Variants in MEGF6 observed in about 807,000 individuals in gnomAD.
MEGF6 encodes multiple EGF like domains 6.
Under a neutral mutation model 207.1 loss-of-function variants are expected in MEGF6, and 184 were observed. The observed-to-expected ratio is 0.89, with a 90% confidence interval of 0.79 to 1.00. The LOEUF (loss-of-function observed/expected upper bound fraction) is 1.00. MEGF6 is among the 50% of genes least tolerant of loss of function. The pLI, the probability that MEGF6 is intolerant of heterozygous loss-of-function variation, is 0.00. For synonymous variants in MEGF6, 1,038 were observed against 910.0 expected (o/e 1.14, Z -2.53); for missense variants, 2,282 against 2,202.9 (o/e 1.04, Z -0.72).
chr1:3,602,449 C>T lies in MEGF6; in HGVS notation c.266+17G>A, dbSNP rs776469152. 1.4e-5 allele frequency: 23 copies of T among 1,613,076 alleles called. No individual in the cohort carries two copies. The highest frequency in any genetic ancestry group is 1.2e-4 in the African/African-American group (9 of 74,924). Reference sequence around the variant, plus strand: ...TGTGAATGGAGCCCCTCCCCCAACACGGGCCCCTGCACTTACCTCCGCTCA... The same window carrying T: ...TGTGAATGGAGCCCCTCCCCCAACATGGGCCCCTGCACTTACCTCCGCTCA... On this transcript the variant is annotated intron_variant, in intron 2 of 36. Transcript: ENST00000356575.
At chr1:3,531,279 GACC>G in intron 4 of MEGF6, 1 of 1,319,110 alleles carries the variant, frequency 7.6e-7, no homozygotes, top group Non-Finnish European at 9.6e-7. Context: ...AGGGGGCGAG[GACC>G]AACCGCGCTG....
chr1:3,507,796 A>C lies in MEGF6; in HGVS notation c.1788T>G (p.Asp596Glu). The C allele has an allele frequency of 6.2e-7, 1 of 1,612,752 alleles. No individual in the cohort carries two copies. Among genetic ancestry groups the C allele is most frequent in the Non-Finnish European group, 8.5e-7 (1 of 1,179,872 alleles). ...AGCACCAGAAGAGGCTGCACGCACC[A>C]TCCTCACAGTTAGTTCCACTGACAC... ...PPGVSGTNCE[D>E]GCPKGYYGKH... The change falls in exon 14 of 37, where the codon GAT (aspartate) becomes GAG (glutamate). Residue 596 changes from aspartate (D) to glutamate (E), a missense_variant and splice_region_variant. By Grantham distance (45) the Asp-to-Glu change is conservative (BLOSUM62 2). Transcript: ENST00000356575.
intron 3 of MEGF6, among the ~76,000 whole-genome samples, chr1:3,582,055 C>A (rs1281946058): frequency 6.6e-6 from 1 of 152,240 alleles, no homozygotes; most frequent in Non-Finnish European, 1.5e-5. Flanking sequence ...TCTCTCAAGG[C>A]AGGCGGAGCT....
intron 4 of MEGF6, among the ~76,000 whole-genome samples, chr1:3,547,664 G>A (rs940071931): frequency 6.6e-6 from 1 of 152,194 alleles, no homozygotes; most frequent in African/African-American, 2.4e-5. Context: ...TCTGAGTTGG[G>A]CCTGGAGAGC....
chr1:3,531,403 AGCCGCTCTGG>A, intron 4 of MEGF6: 1 of 1,150,650 alleles, frequency 8.7e-7, no homozygotes, highest in Non-Finnish European at 1.1e-6. Flanking sequence ...GCCGCCCGGG[AGCCGCTCTGG>A]GCCGGGCGCG....
chr1:3,599,856 C>G lies in MEGF6; in HGVS notation c.266+2610G>C, dbSNP rs7552280. Among the ~76,000 whole-genome samples, 95 of 152,188 alleles carry G rather than the reference C, an allele frequency of 6.2e-4. 1 individual carries two copies. Among genetic ancestry groups the G allele is most frequent in the African/African-American group, 2.2e-3 (92 of 41,524 alleles). ...GCGTGGGCACCCCGTTTCTGTGCCC[C>G]GTTTCTGGGCTGTGCCAGGCAGCCC... On this transcript the variant is annotated intron_variant, in intron 2 of 36. Coordinates refer to ENST00000356575, the MANE Select transcript of MEGF6 (RefSeq NM_001409.4).
intron 1 of MEGF6, among the ~76,000 whole-genome samples, chr1:3,605,390 CCCA>C (rs1420654985): frequency 6.6e-6 from 1 of 151,944 alleles, no homozygotes; most frequent in Admixed American, 6.6e-5. Context: ...CACTACCATA[CCCA>C]CAATTACATA....
chr1:3,512,657 CT>C (rs371487733), intron 7 of MEGF6, among the ~76,000 whole-genome samples: 473 of 152,338 alleles, frequency 3.1e-3, no homozygotes, highest in African/African-American at 9.9e-3. Context: ...CTCTCTTTTC[CT>C]ACCGCTATCG....
chr1:3,497,454 C>A, intron 26 of MEGF6, 93 bp from the exon 27 acceptor site: 2 of 1,379,856 alleles, frequency 1.4e-6, no homozygotes, highest in Non-Finnish European at 1.9e-6. Flanking sequence ...GTGGGTACGA[C>A]CCACCCAATG....
chr1:3,611,039 C>G, intron 1 of MEGF6, 99 bp downstream of exon 1: 1 of 1,331,972 alleles, frequency 7.5e-7, no homozygotes, highest in East Asian at 3.1e-5. Flanking sequence ...TGTTCTGGAG[C>G]CCCAGGGACA....
intron 5 of MEGF6, among the ~76,000 whole-genome samples, chr1:3,520,599 G>C (rs1439069592): frequency 6.6e-6 from 1 of 152,150 alleles, no homozygotes; most frequent in African/African-American, 2.4e-5. Flanking sequence ...CGGGGCAATG[G>C]GGCACACCAG....
intron 2 of MEGF6, among the ~76,000 whole-genome samples, chr1:3,597,995 G>C (rs1205153440): frequency 6.6e-6 from 1 of 152,262 alleles, no homozygotes; most frequent in Non-Finnish European, 1.5e-5. Context: ...GAGGCAGAGA[G>C]GGACAGAGGC....
intron 3 of MEGF6, among the ~76,000 whole-genome samples, chr1:3,593,250 G>A (rs1442535737): frequency 6.6e-6 from 1 of 152,074 alleles, no homozygotes; most frequent in Non-Finnish European, 1.5e-5. Flanking sequence ...CAGCCTCGGG[G>A]GACGACCCAG....
At position 3,498,059 on chromosome 1, in the gene MEGF6, CCCCTCTCTGCATGCAGGAAA is replaced by C. The variant is rs1270425772; in HGVS notation, c.3352+292_3352+311del. Among the ~76,000 whole-genome samples the C allele has an allele frequency of 6.6e-5, 10 of 152,116 alleles. No individual in the cohort carries two copies. The East Asian group carries it at 1.9e-3, about 29-fold the overall frequency. On this transcript the variant is annotated intron_variant, in intron 26 of 36. Transcript: ENST00000356575. ...GGCTCCAGGACAAGGGGTGAAGGGG[CCCCTCTCTGCATGCAGGAAA>C]CAGGAACGGCCCCCTGAGCCCCAAA... is the stretch of plus-strand genomic sequence containing the variant.
chr1:3,572,662 ACTGGGTCCTCCCAGGTGTG>A lies in MEGF6; in HGVS notation c.481+7144_481+7162del, dbSNP rs200298778. ...GGGTGTGCTGGGTCCTTCCTGGTGTACTGGGTCCTCCCAGGTGTGCTGGGTCCTTCCTGAGTGTGTTAGG... is the reference window on the plus strand; with the variant it reads ...GGGTGTGCTGGGTCCTTCCTGGTGTACTGGGTCCTTCCTGAGTGTGTTAGG... On this transcript the variant is annotated intron_variant, in intron 4 of 36. Coordinates refer to ENST00000356575, the MANE Select transcript of MEGF6 (RefSeq NM_001409.4). Among the ~76,000 whole-genome samples, 17 of 49,484 alleles carry A rather than the reference ACTGGGTCCTCCCAGGTGTG, an allele frequency of 3.4e-4. No homozygotes were observed. In the East Asian group the frequency reaches 7.2e-3, roughly 21 times the overall value. 32.5% of individuals were successfully genotyped at this position (49,484 alleles called of 152,430 possible).
the MEGF6 span, among the ~76,000 whole-genome samples, chr1:3,616,557 G>A: frequency 9.7e-4 from 148 of 152,242 alleles, no homozygotes; most frequent in African/African-American, 3.4e-3. Flanking sequence ...AGAGACGGGG[G>A]TGAGAGAGGG....
intron 4 of MEGF6, among the ~76,000 whole-genome samples, chr1:3,557,026 A>G (rs766084226): frequency 1.1e-4 from 17 of 152,248 alleles, no homozygotes; most frequent in Admixed American, 3.3e-4. Flanking sequence ...GGTCGGAGTC[A>G]GAGAGAGAGG....
chr1:3,608,341 C>A (rs1339010197), intron 1 of MEGF6, among the ~76,000 whole-genome samples: 1 of 152,140 alleles, frequency 6.6e-6, no homozygotes, highest in African/African-American at 2.4e-5. Flanking sequence ...CTCCAGGTCA[C>A]GTGCTGTGAA....
chr1:3,565,791 G>C lies in MEGF6; in HGVS notation c.481+14034C>G, dbSNP rs1045835600. 6.6e-6 allele frequency among the ~76,000 whole-genome samples: 1 copy of C among 152,168 alleles called. No homozygotes were observed. The highest frequency in any genetic ancestry group is 1.5e-5 in the Non-Finnish European group (1 of 68,014). ...GCCACGTCACCAAGAACAGAAGTGC[G>C]TGTGGACATCCAGGTGCCTTCCAAC... On this transcript the variant is annotated intron_variant, in intron 4 of 36. Coordinates refer to ENST00000356575, the MANE Select transcript of MEGF6 (RefSeq NM_001409.4). The surrounding 1 kb of genome is among the most constrained non-coding windows in gnomAD (Gnocchi z 4.8).
Sources: gnomAD v4.1 joint callset for allele counts (sites outside exome capture counted in the v4.1 genomes callset) on GRCh38, gnomAD v4.1.1 for gene constraint, Gnocchi (gnomAD v3.1) non-coding constraint, MANE v1.5 for transcripts, NCBI Gene and HGNC (gene_info 2026-07-23, HGNC 2026-07-21) for gene names.